ELAVL2: variants seen among roughly 807,000 people sequenced by gnomAD.
ELAVL2 encodes ELAV-like protein 2.
A neutral mutation model predicts 34.6 loss-of-function variants in ELAVL2; 4 were observed. The ratio of observed to expected loss-of-function variants is 0.12; its 90% CI spans 0.06 to 0.26. The LOEUF is 0.26. ELAVL2 is among the 10% of genes least tolerant of loss of function. The pLI is 1.00. For synonymous variants in ELAVL2, 193 were observed against 154.8 expected (o/e 1.25, Z -1.83); for missense variants, 432 against 442.8 (o/e 0.98, Z 0.22).
intron 5 of ELAVL2, among the ~76,000 whole-genome samples, chr9:23,696,631 G>A (rs1049116570): frequency 2.7e-5 from 4 of 149,886 alleles, no homozygotes; most frequent in Non-Finnish European, 5.9e-5. Context: ...CACCACGTCC[G>A]GCTAATTTTT....
At chr9:23,721,008 A>G (rs1458652390) in intron 3 of ELAVL2, among the ~76,000 whole-genome samples, 1 of 152,214 alleles carries the variant, frequency 6.6e-6, no homozygotes, top group Non-Finnish European at 1.5e-5. Flanking sequence ...GGCATTTGAA[A>G]TAATCCTCAA....
intron 1 of ELAVL2, among the ~76,000 whole-genome samples, chr9:23,799,295 A>T (rs117599405): frequency 0.03 from 4,631 of 152,270 alleles, 127 homozygotes; most frequent in Non-Finnish European, 0.04. Context: ...AACATCACCT[A>T]GTCAGATCTT....
chr9:23,749,869 G>A (rs1425055061), intron 2 of ELAVL2, among the ~76,000 whole-genome samples: 3 of 151,862 alleles, frequency 2.0e-5, no homozygotes, highest in African/African-American at 7.3e-5. Context: ...AATCTATAGA[G>A]CAACTAACGC....
At chr9:23,821,756 C>CCCGCGCCGCGCCGCG (rs367599469) in intron 1 of ELAVL2, 17 of 151,134 alleles carry the variant, frequency 1.1e-4, no homozygotes, top group South Asian at 2.1e-4. Context: ...CCCCGCCCCA[C>CCCGCGCCGCGCCGCG]CCGCGCCGCG....
chr9:23,813,525 C>A (rs1415047583), intron 1 of ELAVL2, among the ~76,000 whole-genome samples: 1 of 150,862 alleles, frequency 6.6e-6, no homozygotes, highest in Admixed American at 6.6e-5. Flanking sequence ...CAGCTCATAA[C>A]ATCCTATCAG....
chr9:23,751,673 T>C (rs2052078374), intron 2 of ELAVL2, among the ~76,000 whole-genome samples: 1 of 152,124 alleles, frequency 6.6e-6, no homozygotes, highest in African/African-American at 2.4e-5. Flanking sequence ...AAAGTAAAAA[T>C]AAGCCGCAGT....
intron 3 of ELAVL2, among the ~76,000 whole-genome samples, chr9:23,720,072 C>T (rs1272657014): frequency 6.6e-6 from 1 of 152,096 alleles, no homozygotes; most frequent in Non-Finnish European, 1.5e-5. Context: ...GGTGATCCAC[C>T]CGCCTCAGCC....
intron 1 of ELAVL2, among the ~76,000 whole-genome samples, chr9:23,767,476 G>C (rs1327057910): frequency 2.0e-5 from 3 of 152,122 alleles, no homozygotes; most frequent in Non-Finnish European, 4.4e-5. Context: ...AAACCAGGTA[G>C]TTAATCAAAA....
chr9:23,743,028 C>A (rs1489255987), intron 2 of ELAVL2, among the ~76,000 whole-genome samples: 1 of 152,118 alleles, frequency 6.6e-6, no homozygotes, highest in Non-Finnish European at 1.5e-5. Context: ...AGAACACTCT[C>A]TCTGAAGCAA....
intron 3 of ELAVL2, among the ~76,000 whole-genome samples, chr9:23,729,163 G>A (rs563708833): frequency 4.0e-4 from 61 of 152,256 alleles, no homozygotes; most frequent in African/African-American, 1.5e-3. Context: ...GGATCTTCGT[G>A]CAGGAGGATA....
Position 23,731,092 on chromosome 9 carries a change from A to T in ELAVL2, c.263T>A (p.Ile88Asn), listed in dbSNP as rs766817780. 3 of 1,613,030 alleles carry T rather than the reference A, an allele frequency of 1.9e-6. No homozygotes were observed. Among genetic ancestry groups the T allele is most frequent in the African/African-American group, 2.7e-5 (2 of 74,846 alleles). Residue 88 changes from isoleucine (I) to asparagine (N), a missense_variant, in exon 3 of 7, where the codon ATT becomes AAT. Physicochemically the swap from Ile to Asn is moderately radical, Grantham distance 149. Coordinates refer to ENST00000397312, the MANE Select transcript of ELAVL2 (RefSeq NM_004432.5). ...AGCTTTCTCTGCATCCTTGGGGTCA[A>T]TGTAGTTCACAAAGCCATATCCCAA... ...QSLGYGFVNY[I>N]DPKDAEKAIN...
intron 2 of ELAVL2, among the ~76,000 whole-genome samples, chr9:23,743,139 G>A (rs572259659): frequency 4.1e-4 from 62 of 152,218 alleles, no homozygotes; most frequent in Middle Eastern, 3.4e-3. Context: ...CCATGGCTAC[G>A]AATTAAGTCA....
intron 1 of ELAVL2, among the ~76,000 whole-genome samples, chr9:23,804,181 A>T (rs2104688): frequency 0.38 from 55,604 of 146,786 alleles, 10,779 homozygotes; most frequent in East Asian, 0.54. Context: ...TTATTTATTT[A>T]TTTTTTTTTT....
At position 23,697,157 on chromosome 9, in the gene ELAVL2, G is replaced by T. The variant is rs1172283120; in HGVS notation, c.714-3671C>A. 2.0e-5 allele frequency among the ~76,000 whole-genome samples: 3 copies of T among 151,876 alleles called. No homozygotes were observed. The East Asian group carries it at 5.8e-4, about 29-fold the overall frequency. On this transcript the variant is annotated intron_variant, in intron 5 of 6. Coordinates refer to ENST00000397312, the MANE Select transcript of ELAVL2 (RefSeq NM_004432.5). ...TATGGAGGATTAGACTGGATAACCT[G>T]CTTTAATTAAAATGACCTCCATTTA...
intron 1 of ELAVL2, among the ~76,000 whole-genome samples, chr9:23,788,193 G>A (rs1315362137): frequency 6.6e-6 from 1 of 152,162 alleles, no homozygotes; most frequent in Non-Finnish European, 1.5e-5. Flanking sequence ...CAATGGACCA[G>A]GATATAAAAT....
chr9:23,724,243 G>C (rs1238234000), intron 3 of ELAVL2, among the ~76,000 whole-genome samples: 1 of 152,176 alleles, frequency 6.6e-6, no homozygotes, highest in African/African-American at 2.4e-5. Flanking sequence ...CAGGAAGTAA[G>C]CAGGGGACAC....
At chr9:23,772,061 G>C (rs1342210021) in intron 1 of ELAVL2, among the ~76,000 whole-genome samples, 1 of 152,138 alleles carries the variant, frequency 6.6e-6, no homozygotes, top group East Asian at 1.9e-4. Flanking sequence ...TTGTGGCAGA[G>C]GTTTTGTTTG....
intron 2 of ELAVL2, among the ~76,000 whole-genome samples, chr9:23,737,644 A>T (rs938630859): frequency 6.6e-6 from 1 of 152,204 alleles, no homozygotes; most frequent in African/African-American, 2.4e-5. Context: ...ATTCTGTAAA[A>T]ACCTGGTAGT....
At chr9:23,831,766 G>A in the ELAVL2 span, among the ~76,000 whole-genome samples, 2 of 151,808 alleles carry the variant, frequency 1.3e-5, no homozygotes, top group Admixed American at 1.3e-4. Context: ...AAATGCTTTC[G>A]GCAGGCAGAG....
Sources: allele counts gnomAD v4.1 joint callset (sites outside exome capture counted in the v4.1 genomes callset), GRCh38; gene constraint gnomAD v4.1.1; transcripts MANE v1.5; gene names NCBI Gene and HGNC (gene_info 2026-07-23, HGNC 2026-07-21).